PPP2R5E: variants seen among roughly 807,000 people sequenced by gnomAD.
PPP2R5E encodes the protein serine/threonine-protein phosphatase 2A 56 kDa regulatory subunit epsilon isoform.
PPP2R5E carries 4 observed loss-of-function variants against 65.3 expected under a neutral mutation model. That is an observed-to-expected ratio of 0.06 (90% CI 0.03 to 0.14). PPP2R5E has a LOEUF of 0.14. Among genes scored for constraint, PPP2R5E ranks in the 10% least tolerant of loss-of-function variants. The probability of loss-of-function intolerance (pLI) is 1.00; values close to 1 mark genes in which losing one functional copy is unlikely to be tolerated. For missense variants in PPP2R5E, 274 were observed against 556.1 expected (o/e 0.49, Z 5.10); for synonymous variants, 183 against 187.4 (o/e 0.98, Z 0.19).
chr14:63,478,853 T>C lies in PPP2R5E; in HGVS notation c.158-24968A>G, dbSNP rs145255299. 9.3e-3 allele frequency among the ~76,000 whole-genome samples: 1,415 copies of C among 152,230 alleles called. 26 individuals are homozygous for C. The highest frequency in any genetic ancestry group is 0.033 in the African/African-American group (1,352 of 41,518). On this transcript the variant is annotated intron_variant, in intron 2 of 13. Coordinates refer to ENST00000337537, the MANE Select transcript of PPP2R5E (RefSeq NM_006246.5). ...TAAAGAAATCATTGGCCGGGTACGG[T>C]GGCTCATGCCTGTAATCCCAGCACT...
At chr14:63,508,884 A>G (rs901115389) in intron 2 of PPP2R5E, among the ~76,000 whole-genome samples, 1 of 152,240 alleles carries the variant, frequency 6.6e-6, no homozygotes, top group African/African-American at 2.4e-5. Context: ...CTTAAGGTCC[A>G]GAAGAAGCCA....
At chr14:63,477,417 G>A (rs1351765416) in intron 2 of PPP2R5E, among the ~76,000 whole-genome samples, 3 of 151,958 alleles carry the variant, frequency 2.0e-5, no homozygotes, top group Non-Finnish European at 4.4e-5. Flanking sequence ...GTGGTTTACA[G>A]AAATTATTTC....
intron 5 of PPP2R5E, among the ~76,000 whole-genome samples, chr14:63,406,953 T>TGAA (rs1886125096): frequency 6.6e-6 from 1 of 152,218 alleles, no homozygotes; most frequent in African/African-American, 2.4e-5. Flanking sequence ...TTTCATGGAC[T>TGAA]GAAGCTATTA....
intron 2 of PPP2R5E, among the ~76,000 whole-genome samples, chr14:63,482,892 A>G (rs1337090319): frequency 1.3e-5 from 2 of 152,212 alleles, no homozygotes; most frequent in Non-Finnish European, 2.9e-5. Context: ...AGCATTTTCT[A>G]GGGCTCAGAC....
At chr14:63,433,442 C>T (rs1357798687) in intron 3 of PPP2R5E, among the ~76,000 whole-genome samples, 1 of 152,042 alleles carries the variant, frequency 6.6e-6, no homozygotes, top group South Asian at 2.1e-4. Flanking sequence ...TGTTCATGCC[C>T]CTCCCTCCAG....
rs988068906 is a variant in PPP2R5E at position 63,371,482 on chromosome 14, C to T, written c.*4527G>A. 6.6e-6 allele frequency: 1 copy of T among 152,168 alleles called. No individual in the cohort carries two copies. Among genetic ancestry groups the T allele is most frequent in the Non-Finnish European group, 1.5e-5 (1 of 68,032 alleles). 9.4% of individuals were successfully genotyped at this position (152,168 alleles called of 1,614,324 possible). Reference sequence around the variant, plus strand: ...ACCTTCATTTTTGTTTCTGTTACCACTTTGAAGAAAGCAAATCATTTCCAA... The same window carrying T: ...ACCTTCATTTTTGTTTCTGTTACCATTTTGAAGAAAGCAAATCATTTCCAA... On this transcript the variant is annotated 3_prime_UTR_variant, in exon 14 of 14. Transcript: ENST00000337537.
At chr14:63,493,940 T>G (rs1272123742) in intron 2 of PPP2R5E, among the ~76,000 whole-genome samples, 7 of 152,154 alleles carry the variant, frequency 4.6e-5, no homozygotes, top group Non-Finnish European at 7.4e-5. Context: ...TTTAACTGTT[T>G]AAACTGTAGG....
At chr14:63,479,778 C>T (rs1279769263) in intron 2 of PPP2R5E, among the ~76,000 whole-genome samples, 1 of 152,112 alleles carries the variant, frequency 6.6e-6, no homozygotes, top group African/African-American at 2.4e-5. Context: ...GAGGGAAGAA[C>T]TAATATATGC....
chr14:63,519,151 T>C (rs1323094995), intron 2 of PPP2R5E, among the ~76,000 whole-genome samples: 1 of 151,310 alleles, frequency 6.6e-6, no homozygotes, highest in Admixed American at 6.6e-5. Flanking sequence ...GAGGCAGAGG[T>C]TGCAGTGAGC....
intron 4 of PPP2R5E, among the ~76,000 whole-genome samples, chr14:63,421,451 CCTT>C (rs779221258): frequency 1.3e-5 from 2 of 152,164 alleles, no homozygotes; most frequent in African/African-American, 4.8e-5. Flanking sequence ...GAAAACATGG[CCTT>C]CTCAGTGCAA....
At chr14:63,466,438 GA>G (rs1370051867) in intron 2 of PPP2R5E, among the ~76,000 whole-genome samples, 1 of 152,124 alleles carries the variant, frequency 6.6e-6, no homozygotes, top group East Asian at 1.9e-4. Flanking sequence ...GAGTAATAAA[GA>G]GTGTAAATTT....
chr14:63,512,284 A>G (rs952941382), intron 2 of PPP2R5E, among the ~76,000 whole-genome samples: 7 of 152,198 alleles, frequency 4.6e-5, no homozygotes, highest in African/African-American at 1.7e-4. Flanking sequence ...TATAGAAAAG[A>G]AACCAAGCTG....
At chr14:63,415,056 A>C in intron 5 of PPP2R5E, 84 bp downstream of exon 5, 1 of 991,182 alleles carries the variant, frequency 1.0e-6, no homozygotes, top group Admixed American at 2.3e-5. Flanking sequence ...TGTCATTGCA[A>C]AACTTTTTTA....
chr14:63,539,478 A>G, intron 2 of PPP2R5E, 51 bp downstream of exon 2: 1 of 1,570,486 alleles, frequency 6.4e-7, no homozygotes, highest in Non-Finnish European at 8.7e-7. Flanking sequence ...TTATATATAG[A>G]TGTAGAAAGA....
At chr14:63,498,057 A>G (rs1353613576) in intron 2 of PPP2R5E, among the ~76,000 whole-genome samples, 1 of 152,242 alleles carries the variant, frequency 6.6e-6, no homozygotes, top group African/African-American at 2.4e-5. Context: ...TATTTTGAGC[A>G]TGATGTCAAT....
intron 7 of PPP2R5E, 142 bp from the exon 8 acceptor site, chr14:63,394,070 CTTTTT>C (rs557273298): frequency 8.3e-3 from 1,503 of 180,934 alleles, no homozygotes; most frequent in East Asian, 0.034. Flanking sequence ...TCAGAATTTC[CTTTTT>C]TTTTTTTTTT....
chr14:63,495,621 T>C (rs952496167), intron 2 of PPP2R5E, among the ~76,000 whole-genome samples: 1 of 151,932 alleles, frequency 6.6e-6, no homozygotes, highest in Non-Finnish European at 1.5e-5. Context: ...TATATGTATA[T>C]GTAGACAAAA....
At position 63,534,111 on chromosome 14, in the gene PPP2R5E, A is replaced by G. The variant is rs143324801; in HGVS notation, c.157+5418T>C. Among the ~76,000 whole-genome samples, 386 of 152,330 alleles carry G rather than the reference A, an allele frequency of 2.5e-3. 1 individual carries two copies. Among genetic ancestry groups the G allele is most frequent in the African/African-American group, 9.2e-3 (381 of 41,572 alleles). ...CAGGAGGCTGGGGTGAGGAGAGAAC[A>G]TAAATCACCCAGCCAGGTGCTACTA... On this transcript the variant is annotated intron_variant, in intron 2 of 13. Coordinates refer to ENST00000337537, the MANE Select transcript of PPP2R5E (RefSeq NM_006246.5).
At chr14:63,520,798 G>A (rs549645861) in intron 2 of PPP2R5E, among the ~76,000 whole-genome samples, 1 of 143,968 alleles carries the variant, frequency 6.9e-6, no homozygotes, top group South Asian at 2.2e-4. Context: ...GGTGGATCAC[G>A]AGGTCAGCAG....
Sources: gnomAD v4.1 joint callset for allele counts (sites outside exome capture counted in the v4.1 genomes callset) on GRCh38, gnomAD v4.1.1 for gene constraint, MANE v1.5 for transcripts, NCBI Gene and HGNC (gene_info 2026-07-23, HGNC 2026-07-21) for gene names.